Variants in RPH3A observed in about 807,000 individuals in gnomAD.
RPH3A encodes rabphilin 3A, also known as rabphilin-3A.
In RPH3A, 48 loss-of-function variants were observed where a neutral mutation model predicts 102.2. That is an observed-to-expected ratio of 0.47 (90% CI 0.37 to 0.60). The LOEUF is 0.60. Ranked by LOEUF, RPH3A falls within the 20% of genes least tolerant of loss-of-function variation. RPH3A has a pLI of 0.00. For missense variants in RPH3A, 781 were observed against 910.1 expected, an observed-to-expected ratio of 0.86 and a Z score of 1.83; for synonymous variants, 310 against 324.3, an observed-to-expected ratio of 0.96 and a Z score of 0.47.
chr12:112,724,206 G>T (rs1207462434), intron 1 of RPH3A, among the ~76,000 whole-genome samples: 1 of 151,898 alleles, frequency 6.6e-6, no homozygotes, highest in Non-Finnish European at 1.5e-5. Context: ...ACAGGCACAT[G>T]ACACCATGCC....
intron 1 of RPH3A, among the ~76,000 whole-genome samples, chr12:112,649,795 G>A (rs1181947160): frequency 6.6e-6 from 1 of 152,186 alleles, no homozygotes; most frequent in African/African-American, 2.4e-5. Context: ...AGATCAAGGT[G>A]TCAGCAGGGT....
At chr12:112,586,192 T>A (rs1194457607) in intron 1 of RPH3A, among the ~76,000 whole-genome samples, 1 of 152,192 alleles carries the variant, frequency 6.6e-6, no homozygotes, top group Non-Finnish European at 1.5e-5. Context: ...CACGCTTGTA[T>A]TAATAAAGCC....
intron 12 of RPH3A, among the ~76,000 whole-genome samples, 185 bp from the exon 13 acceptor site, chr12:112,876,457 G>A (rs548191057): frequency 1.3e-5 from 2 of 152,122 alleles, no homozygotes; most frequent in Non-Finnish European, 2.9e-5. Context: ...CCCCCACAAG[G>A]TCTGTTTTGC....
Position 112,765,246 on chromosome 12 carries a change from T to TTGTG in RPH3A, c.-139-26861_-139-26858dup, listed in dbSNP as rs34294777. On this transcript the variant is annotated intron_variant, in intron 1 of 21. Transcript: ENST00000543106. ...AGGTGCAATGTTTCAGTCATGGTGA[T>TTGTG]TGTGTGTGTGTGTGTGTGTGTGTGT... 5.8e-3 allele frequency among the ~76,000 whole-genome samples: 816 copies of TTGTG among 141,738 alleles called. 6 individuals carry two copies. Among genetic ancestry groups the TTGTG allele is most frequent in the African/African-American group, 9.1e-3 (344 of 37,844 alleles). The allele number at this position is 141,738 out of a possible 152,430, so 93.0% of individuals were successfully genotyped here. A position where few individuals can be genotyped will look rare whatever the true frequency, so the allele number is the denominator to read the frequency against.
chr12:112,815,403 A>T (rs1237303039), intron 2 of RPH3A, among the ~76,000 whole-genome samples: 2 of 152,218 alleles, frequency 1.3e-5, no homozygotes, highest in African/African-American at 4.8e-5. Context: ...CCCATATTTG[A>T]GTCACTGGAC....
intron 1 of RPH3A, among the ~76,000 whole-genome samples, chr12:112,678,031 T>A (rs2040193770): frequency 6.6e-6 from 1 of 151,152 alleles, no homozygotes; most frequent in Non-Finnish European, 1.5e-5. Context: ...TCTCTACTAT[T>A]AGTAAAAATA....
At chr12:112,857,853 C>G (rs2042435256) in intron 5 of RPH3A, among the ~76,000 whole-genome samples, 1 of 147,222 alleles carries the variant, frequency 6.8e-6, no homozygotes. Context: ...AAGACTTGCT[C>G]AGCTCCATGT....
At chr12:112,745,203 G>C (rs891609188) in intron 1 of RPH3A, among the ~76,000 whole-genome samples, 1 of 152,132 alleles carries the variant, frequency 6.6e-6, no homozygotes, top group Admixed American at 6.5e-5. Context: ...TTTTTGGCAG[G>C]GATGATGCAG....
At chr12:112,827,683 T>G (rs1443090919) in intron 2 of RPH3A, among the ~76,000 whole-genome samples, 2 of 152,050 alleles carry the variant, frequency 1.3e-5, no homozygotes, top group Non-Finnish European at 2.9e-5. Flanking sequence ...GTAGAGTATT[T>G]TTTTTTAAAA....
chr12:112,725,652 G>A (rs1272864839), intron 1 of RPH3A, among the ~76,000 whole-genome samples: 1 of 152,168 alleles, frequency 6.6e-6, no homozygotes, highest in Non-Finnish European at 1.5e-5. Context: ...GTGTTCTTCT[G>A]GCCACGGTGA....
chr12:112,822,717 A>G (rs1263385714), intron 2 of RPH3A, among the ~76,000 whole-genome samples: 1 of 152,214 alleles, frequency 6.6e-6, no homozygotes, highest in Non-Finnish European at 1.5e-5. Flanking sequence ...ATTTAAGCAG[A>G]ACCTTGGAAA....
chr12:112,723,519 T>C (rs1266221138), intron 1 of RPH3A, among the ~76,000 whole-genome samples: 1 of 152,224 alleles, frequency 6.6e-6, no homozygotes, highest in Admixed American at 6.5e-5. Flanking sequence ...AACTCGACTT[T>C]TTCTTGTAAT....
intron 1 of RPH3A, among the ~76,000 whole-genome samples, chr12:112,645,202 G>C (rs1217267191): frequency 6.6e-6 from 1 of 152,114 alleles, no homozygotes; most frequent in Non-Finnish European, 1.5e-5. Flanking sequence ...AGGCAACATT[G>C]ATTTTAATAT....
chr12:112,648,751 A>AAAG (rs1371525813), intron 1 of RPH3A, among the ~76,000 whole-genome samples: 2 of 113,726 alleles, frequency 1.8e-5, no homozygotes, highest in African/African-American at 3.6e-5. Context: ...TCTCAAAAAA[A>AAAG]AAAAAAAAAA....
chr12:112,621,917 C>G (rs2039731676), intron 1 of RPH3A, among the ~76,000 whole-genome samples: 1 of 150,776 alleles, frequency 6.6e-6, no homozygotes, highest in Non-Finnish European at 1.5e-5. Context: ...CCTGAGCAGC[C>G]TAACTGGGAG....
intron 1 of RPH3A, among the ~76,000 whole-genome samples, chr12:112,622,452 G>A (rs1439509748): frequency 1.1e-5 from 1 of 91,450 alleles, no homozygotes; most frequent in Non-Finnish European, 2.2e-5. Flanking sequence ...GGAAGAAAGG[G>A]TATCAGCAAT....
chr12:112,630,151 CCCAT>C (rs957110656), intron 1 of RPH3A, among the ~76,000 whole-genome samples: 71 of 152,056 alleles, frequency 4.7e-4, no homozygotes, highest in African/African-American at 1.5e-3. Context: ...CACCCACCCA[CCCAT>C]CCATCCATCC....
chr12:112,616,489 C>G (rs2039680984), intron 1 of RPH3A, among the ~76,000 whole-genome samples: 1 of 152,144 alleles, frequency 6.6e-6, no homozygotes, highest in African/African-American at 2.4e-5. Flanking sequence ...GGAGACTTTT[C>G]AAAATGTTTT....
At chr12:112,640,096 G>C (rs2039876283) in intron 1 of RPH3A, among the ~76,000 whole-genome samples, 1 of 151,012 alleles carries the variant, frequency 6.6e-6, no homozygotes, top group South Asian at 2.1e-4. Context: ...TGAGGCAGGT[G>C]AATCACTTGA....
Sources: allele counts gnomAD v4.1 joint callset (sites outside exome capture counted in the v4.1 genomes callset), GRCh38; gene constraint gnomAD v4.1.1; transcripts MANE v1.5; gene names NCBI Gene and HGNC (gene_info 2026-07-23, HGNC 2026-07-21).